The following MMP16 variants were observed in gnomAD, a reference collection of about 807,000 sequenced individuals.
MMP16 encodes the protein matrix metallopeptidase 16.
MMP16 carries 12 observed loss-of-function variants against 67.8 expected under a neutral mutation model. That is an observed-to-expected ratio of 0.18 (90% CI 0.11 to 0.29). The LOEUF (loss-of-function observed/expected upper bound fraction) is 0.29, where lower values mean the gene tolerates loss of function less well. Ranked by LOEUF, MMP16 falls within the 10% of genes least tolerant of loss-of-function variation. The pLI, the probability that MMP16 is intolerant of heterozygous loss-of-function variation, is 1.00. For synonymous variants in MMP16, 249 were observed against 255.9 expected, an observed-to-expected ratio of 0.97 and a Z score of 0.26; for missense variants, 475 against 765.7, an observed-to-expected ratio of 0.62 and a Z score of 4.48.
At chr8:88,191,398 T>C (rs1397734546) in intron 2 of MMP16, among the ~76,000 whole-genome samples, 1 of 152,188 alleles carries the variant, frequency 6.6e-6, no homozygotes. Context: ...GTAACTACTA[T>C]TATTAACTTA....
At chr8:88,116,380 CT>C in intron 6 of MMP16, 126 bp downstream of exon 6, 8 of 800,902 alleles carry the variant, frequency 1.0e-5, no homozygotes, top group Non-Finnish European at 1.2e-5. Context: ...TTTTAAAATG[CT>C]TTTTTTGAAC....
chr8:88,248,686 A>T (rs1810158097), intron 1 of MMP16, among the ~76,000 whole-genome samples: 1 of 151,936 alleles, frequency 6.6e-6, no homozygotes, highest in African/African-American at 2.4e-5. Context: ...GATCATCAGA[A>T]TATTCCCAGA....
At chr8:88,121,087 T>TTC (rs1807822093) in intron 4 of MMP16, among the ~76,000 whole-genome samples, 1 of 150,776 alleles carries the variant, frequency 6.6e-6, no homozygotes, top group African/African-American at 2.5e-5. Flanking sequence ...TTTTTTTTTT[T>TTC]CCGTTTTTGG....
chr8:88,184,563 G>GAAAAAAAA lies in MMP16; in HGVS notation c.404+1905_404+1912dup, dbSNP rs59310737. ...GGGCAAATGGTAAAACTCTCTCTCTGAAAAAAAAAAAAAAAAAAAAAAAAA... is the reference window on the plus strand; with the variant it reads ...GGGCAAATGGTAAAACTCTCTCTCTGAAAAAAAAAAAAAAAAAAAAAAAAAAAAAAAAA... On this transcript the variant is annotated intron_variant, in intron 3 of 9. Coordinates refer to ENST00000286614, the MANE Select transcript of MMP16 (RefSeq NM_005941.5). 3.9e-3 allele frequency among the ~76,000 whole-genome samples: 43 copies of GAAAAAAAA among 10,932 alleles called. 10 individuals are homozygous for GAAAAAAAA. Among genetic ancestry groups the GAAAAAAAA allele is most frequent in the African/African-American group, 0.021 (40 of 1,882 alleles). The allele number at this position is 10,932 out of a possible 152,430, so 7.2% of individuals were successfully genotyped here.
chr8:88,086,061 G>T (rs527340855), intron 6 of MMP16, among the ~76,000 whole-genome samples: 5 of 151,868 alleles, frequency 3.3e-5, no homozygotes, highest in Admixed American at 1.3e-4. Context: ...AAAAAGTGTT[G>T]CTACACCAAA....
At chr8:88,163,556 T>G (rs763486465) in intron 4 of MMP16, among the ~76,000 whole-genome samples, 5 of 152,064 alleles carry the variant, frequency 3.3e-5, no homozygotes, top group African/African-American at 4.8e-5. Flanking sequence ...GTCATAAGTT[T>G]TATATATTAT....
chr8:88,203,261 G>A (rs577867138), intron 1 of MMP16, among the ~76,000 whole-genome samples: 3 of 151,788 alleles, frequency 2.0e-5, no homozygotes, highest in South Asian at 2.1e-4. Context: ...CTGCCACCAC[G>A]GCCAGCAATT....
intron 1 of MMP16, among the ~76,000 whole-genome samples, chr8:88,224,104 C>T (rs1313803263): frequency 6.6e-6 from 1 of 151,970 alleles, no homozygotes; most frequent in Non-Finnish European, 1.5e-5. Flanking sequence ...GAGGAAGGTA[C>T]TTCTGTATTA....
At position 88,116,566 on chromosome 8, in the gene MMP16, T is replaced by C. The variant is rs768243822; in HGVS notation, c.1024A>G (p.Ile342Val). Residue 342 changes from isoleucine (I) to valine (V), a missense_variant, in exon 6 of 10, where the codon ATC (isoleucine) becomes GTC (valine). Transcript: ENST00000286614. ...RPSYPGAKPNICDGNFNTLAI... is the reference protein window; with the variant it reads ...RPSYPGAKPNVCDGNFNTLAI... ...AGAGTGTTAAAGTTCCCATCACAGA[T>C]GTTGGGTTTGGCTCCGGGATAGGAG... The C allele has an allele frequency of 6.2e-7, 1 of 1,613,408 alleles. No homozygotes were observed. The highest frequency in any genetic ancestry group is 1.1e-5 in the South Asian group (1 of 91,050).
chr8:88,275,572 A>G (rs1810635814), intron 1 of MMP16, among the ~76,000 whole-genome samples: 1 of 151,900 alleles, frequency 6.6e-6, no homozygotes, highest in Non-Finnish European at 1.5e-5. Context: ...TCATAGTTAC[A>G]GTAACAATCC....
intron 8 of MMP16, among the ~76,000 whole-genome samples, chr8:88,052,487 G>A (rs552268078): frequency 2.0e-5 from 3 of 152,096 alleles, no homozygotes; most frequent in African/African-American, 7.2e-5. Flanking sequence ...TACCCTCCAC[G>A]CCTCCACTCT....
At chr8:88,211,429 T>A (rs1809511527) in intron 1 of MMP16, among the ~76,000 whole-genome samples, 1 of 152,128 alleles carries the variant, frequency 6.6e-6, no homozygotes, top group Non-Finnish European at 1.5e-5. Context: ...GTAAGGTATT[T>A]GTTATCAAGG....
intron 4 of MMP16, among the ~76,000 whole-genome samples, chr8:88,162,539 T>C (rs1360806133): frequency 6.6e-6 from 1 of 152,044 alleles, no homozygotes; most frequent in Non-Finnish European, 1.5e-5. Context: ...AGTCCTTCCC[T>C]TTTCAAAAAC....
At chr8:88,169,846 C>G (rs1808771519) in intron 3 of MMP16, among the ~76,000 whole-genome samples, 1 of 152,080 alleles carries the variant, frequency 6.6e-6, no homozygotes, top group Admixed American at 6.6e-5. Context: ...GAAGGCCACT[C>G]TAAATAGAGT....
chr8:88,291,166 A>G (rs1355710285), intron 1 of MMP16, among the ~76,000 whole-genome samples: 2 of 152,058 alleles, frequency 1.3e-5, no homozygotes, highest in Non-Finnish European at 2.9e-5. Context: ...TTGTAGTCCC[A>G]GCTACTCAGG....
intron 1 of MMP16, among the ~76,000 whole-genome samples, chr8:88,231,015 A>C (rs1243414606): frequency 6.6e-6 from 1 of 152,164 alleles, no homozygotes; most frequent in African/African-American, 2.4e-5. Flanking sequence ...AATAGACATT[A>C]AAAACTTCCA....
intron 8 of MMP16, among the ~76,000 whole-genome samples, chr8:88,052,532 C>A (rs1242172022): frequency 6.6e-6 from 1 of 152,190 alleles, no homozygotes; most frequent in Non-Finnish European, 1.5e-5. Flanking sequence ...CCAGCACAAT[C>A]TGTGTGAATA....
rs149421855 is a variant in MMP16 at position 88,160,159 on chromosome 8, C to A, written c.709+7510G>T. On this transcript the variant is annotated intron_variant, in intron 4 of 9. Coordinates refer to ENST00000286614, the MANE Select transcript of MMP16 (RefSeq NM_005941.5). ...ACAACAGTTCCCAGAGTGTCATGTTCCCCTTCCTGTGTACATGTGTTCTCA... is the reference window on the plus strand; with the variant it reads ...ACAACAGTTCCCAGAGTGTCATGTTACCCTTCCTGTGTACATGTGTTCTCA... Among the ~76,000 whole-genome samples, 833 of 151,954 alleles carry A rather than the reference C, an allele frequency of 5.5e-3. 5 individuals carry two copies. Among genetic ancestry groups the A allele is most frequent in the African/African-American group, 0.019 (807 of 41,470 alleles).
chr8:88,287,207 T>G (rs1293750523), intron 1 of MMP16, among the ~76,000 whole-genome samples: 1 of 152,226 alleles, frequency 6.6e-6, no homozygotes, highest in African/African-American at 2.4e-5. Context: ...CAGCCCCAAC[T>G]TACAACCAGT....
Sources: allele counts gnomAD v4.1 joint callset (sites outside exome capture counted in the v4.1 genomes callset), GRCh38; gene constraint gnomAD v4.1.1; transcripts MANE v1.5; gene names NCBI Gene and HGNC (gene_info 2026-07-23, HGNC 2026-07-21).